ARHGAP25: variants seen among roughly 807,000 people sequenced by gnomAD.
The protein encoded by ARHGAP25 is Rho GTPase activating protein 25.
Under a neutral mutation model 71.0 loss-of-function variants are expected in ARHGAP25, and 34 were observed. That is an observed-to-expected ratio of 0.48 (90% CI 0.36 to 0.64). The LOEUF (loss-of-function observed/expected upper bound fraction) is 0.64, where lower values mean the gene tolerates loss of function less well. Ranked by LOEUF, ARHGAP25 falls within the 30% of genes least tolerant of loss-of-function variation. The pLI, the probability that ARHGAP25 is intolerant of heterozygous loss-of-function variation, is 0.00. For synonymous variants in ARHGAP25, 282 were observed against 296.5 expected (o/e 0.95, Z 0.50); for missense variants, 706 against 805.1 (o/e 0.88, Z 1.49).
At chr2:68,765,751 T>C (rs1677083657) in intron 1 of ARHGAP25, among the ~76,000 whole-genome samples, 1 of 152,250 alleles carries the variant, frequency 6.6e-6, no homozygotes, top group African/African-American at 2.4e-5. Flanking sequence ...TGAAATCTTT[T>C]TATCAGGTTG....
At chr2:68,719,277 C>T (rs968244513) in intron 2 of ARHGAP25, among the ~76,000 whole-genome samples, 3 of 151,768 alleles carry the variant, frequency 2.0e-5, no homozygotes, top group Admixed American at 1.3e-4. Context: ...AAGTGAGAAC[C>T]CTGGACTTTT....
intron 1 of ARHGAP25, among the ~76,000 whole-genome samples, chr2:68,747,276 T>TTC (rs1288813229): frequency 6.6e-6 from 1 of 152,188 alleles, no homozygotes; most frequent in African/African-American, 2.4e-5. Context: ...TGAAGTCTCC[T>TTC]TCTCTACCAG....
At chr2:68,721,748 TAC>T in intron 2 of ARHGAP25, among the ~76,000 whole-genome samples, 1 of 152,340 alleles carries the variant, frequency 6.6e-6, no homozygotes, top group Non-Finnish European at 1.5e-5. Flanking sequence ...GTCTTAAAAA[TAC>T]AGTTCTCCAG....
At chr2:68,759,210 G>A (rs1222450177) in intron 1 of ARHGAP25, among the ~76,000 whole-genome samples, 2 of 151,486 alleles carry the variant, frequency 1.3e-5, no homozygotes. Flanking sequence ...AGAGCTAGCA[G>A]AAGGAAGGAA....
chr2:68,738,388 C>T (rs777924267), intron 1 of ARHGAP25, among the ~76,000 whole-genome samples: 3 of 152,142 alleles, frequency 2.0e-5, no homozygotes, highest in Non-Finnish European at 2.9e-5. Context: ...TCCCCAGTTT[C>T]AGGAGAATCC....
At chr2:68,800,091 G>A (rs374180280) in intron 4 of ARHGAP25, among the ~76,000 whole-genome samples, 10 of 152,212 alleles carry the variant, frequency 6.6e-5, no homozygotes, top group Non-Finnish European at 1.2e-4. Flanking sequence ...TAGAAGACTC[G>A]TTTCCCAGAG....
intron 1 of ARHGAP25, among the ~76,000 whole-genome samples, chr2:68,739,039 G>T (rs1428797960): frequency 6.6e-6 from 1 of 152,150 alleles, no homozygotes; most frequent in Non-Finnish European, 1.5e-5. Context: ...CTGTTGCCCA[G>T]GCCAACAGCC....
Position 68,734,831 on chromosome 2 carries a change from A to G in ARHGAP25, c.-369A>G. On this transcript the variant is annotated 5_prime_UTR_variant, in exon 1 of 11. Transcript: ENST00000409202. ...GCAGCAGTTGTTTATCACGACCTCA[A>G]CTCAGTAAGGCCTGAGATTCTTTCG... 3.6e-6 allele frequency: 1 copy of G among 278,534 alleles called. No individual in the cohort carries two copies. Among genetic ancestry groups the G allele is most frequent in the Non-Finnish European group, 6.8e-6 (1 of 146,676 alleles). 17.3% of individuals were successfully genotyped at this position (278,534 alleles called of 1,614,324 possible).
chr2:68,803,705 T>C (rs1294221384), intron 4 of ARHGAP25, among the ~76,000 whole-genome samples: 1 of 150,756 alleles, frequency 6.6e-6, no homozygotes, highest in South Asian at 2.1e-4. Flanking sequence ...TCATCCTAGA[T>C]GAAAGGTAGG....
intron 3 of ARHGAP25, among the ~76,000 whole-genome samples, chr2:68,786,519 T>C (rs1393859083): frequency 6.6e-6 from 1 of 152,210 alleles, no homozygotes; most frequent in East Asian, 1.9e-4. Context: ...CAAAGGGATA[T>C]TGCAATTCCT....
chr2:68,824,787 G>C (rs1177041518), intron 10 of ARHGAP25, among the ~76,000 whole-genome samples: 1 of 152,122 alleles, frequency 6.6e-6, no homozygotes, highest in Non-Finnish European at 1.5e-5. Context: ...GATCAATTTA[G>C]CTTTAAGAAG....
At chr2:68,770,450 C>T (rs879259368) in intron 1 of ARHGAP25, among the ~76,000 whole-genome samples, 1 of 152,210 alleles carries the variant, frequency 6.6e-6, no homozygotes, top group Admixed American at 6.5e-5. Context: ...CATTTACAGC[C>T]ATCCAAAGTG....
intron 4 of ARHGAP25, among the ~76,000 whole-genome samples, chr2:68,802,117 G>A (rs763981017): frequency 4.5e-4 from 69 of 152,120 alleles, no homozygotes; most frequent in Non-Finnish European, 7.6e-4. Flanking sequence ...TATTTGGAAT[G>A]TACCAACCTA....
rs906750967 is a variant in ARHGAP25 at position 68,767,667 on chromosome 2, G to A, written c.62-7554G>A. On this transcript the variant is annotated intron_variant, in intron 1 of 10. Transcript: ENST00000409202. The surrounding 1 kb of genome is among the most constrained non-coding windows in gnomAD (Gnocchi z 4.6). ...AGAATCCCTAGGTCTCTCCACATGA[G>A]CTTGGGTAGCAGCTGGTAAGACGTG... 2.0e-5 allele frequency among the ~76,000 whole-genome samples: 3 copies of A among 152,130 alleles called. No homozygotes were observed. Among genetic ancestry groups the A allele is most frequent in the Admixed American group, 1.3e-4 (2 of 15,266 alleles).
chr2:68,826,538 A>G lies in ARHGAP25; in HGVS notation c.*344A>G. 3 of 388,636 alleles carry G rather than the reference A, an allele frequency of 7.7e-6. No individual in the cohort carries two copies. The highest frequency in any genetic ancestry group is 1.5e-5 in the Non-Finnish European group (3 of 203,304). The allele number at this position is 388,636 out of a possible 1,614,324, so 24.1% of individuals were successfully genotyped here. On this transcript the variant is annotated 3_prime_UTR_variant, in exon 11 of 11. Coordinates refer to ENST00000409202, the MANE Select transcript of ARHGAP25 (RefSeq NM_001007231.3). ...ACTCAGGCTGGACTAAGGTGTGATT[A>G]ATTCTTTGTTTTTTGTGTGGAACAG...
In ARHGAP25 at chr2:68,784,660, A is replaced by C. The variant is rs980841704; in HGVS notation, c.349+2340A>C. Among the ~76,000 whole-genome samples the C allele has an allele frequency of 3.3e-5, 5 of 152,156 alleles. No homozygotes were observed. The East Asian group carries it at 9.6e-4, about 29-fold the overall frequency. ...GCATATGTTATCTCATTTAGTTCTC[A>C]TACCACTTTATGATCTGTTGTTACT... On this transcript the variant is annotated intron_variant, in intron 3 of 10. Coordinates refer to ENST00000409202, the MANE Select transcript of ARHGAP25 (RefSeq NM_001007231.3).
At chr2:68,817,781 T>C in intron 7 of ARHGAP25, 92 bp from the exon 8 acceptor site, 1 of 1,480,478 alleles carries the variant, frequency 6.8e-7, no homozygotes, top group Non-Finnish European at 9.3e-7. Flanking sequence ...AGGAAAGCAT[T>C]GGATCCATCC....
chr2:68,771,893 G>A (rs1677511638), intron 1 of ARHGAP25, among the ~76,000 whole-genome samples: 1 of 152,230 alleles, frequency 6.6e-6, no homozygotes, highest in Admixed American at 6.5e-5. Context: ...GCCAGGCAGA[G>A]CCTTGTTCAT....
At chr2:68,759,664 G>A (rs1472637672) in intron 1 of ARHGAP25, among the ~76,000 whole-genome samples, 1 of 151,920 alleles carries the variant, frequency 6.6e-6, no homozygotes, top group African/African-American at 2.4e-5. Flanking sequence ...AACGTCTAAA[G>A]AAGAACTAAT....
Sources: gnomAD v4.1 joint callset for allele counts (sites outside exome capture counted in the v4.1 genomes callset) on GRCh38, gnomAD v4.1.1 for gene constraint, Gnocchi (gnomAD v3.1) non-coding constraint, MANE v1.5 for transcripts, NCBI Gene and HGNC (gene_info 2026-07-23, HGNC 2026-07-21) for gene names.